Variants in CEP128 observed in about 807,000 individuals in gnomAD.
CEP128 encodes the protein centrosomal protein 128.
A neutral mutation model predicts 156.7 loss-of-function variants in CEP128; 132 were observed. The observed-to-expected ratio is 0.84, with a 90% CI of 0.73 to 0.97. CEP128 has a LOEUF of 0.97. CEP128 is among the 50% of genes least tolerant of loss of function. The pLI is 0.00. For synonymous variants in CEP128, 469 were observed against 448.9 expected (o/e 1.04, Z -0.57); for missense variants, 1,252 against 1,281.9 (o/e 0.98, Z 0.36).
chr14:80,779,489 T>G (rs572295014), intron 15 of CEP128, among the ~76,000 whole-genome samples: 20 of 152,352 alleles, frequency 1.3e-4, no homozygotes, highest in African/African-American at 4.8e-4. Context: ...AGTAGAATGC[T>G]TTTACTTTTC....
chr14:80,778,156 C>A, intron 15 of CEP128, 110 bp from the exon 16 acceptor site: 3 of 819,276 alleles, frequency 3.7e-6, no homozygotes, highest in South Asian at 3.1e-5. Context: ...TCAGCTCGTT[C>A]AAAGCATTCA....
At chr14:80,545,608 T>G (rs1409545681) in intron 21 of CEP128, among the ~76,000 whole-genome samples, 1 of 152,130 alleles carries the variant, frequency 6.6e-6, no homozygotes, top group Non-Finnish European at 1.5e-5. Flanking sequence ...AAAATGAAGC[T>G]CCCTTGATCC....
intron 13 of CEP128, among the ~76,000 whole-genome samples, chr14:80,828,647 T>C (rs1053969755): frequency 3.3e-5 from 5 of 152,124 alleles, no homozygotes; most frequent in African/African-American, 1.2e-4. Flanking sequence ...AGTGAACAAC[T>C]GGCACAAAGG....
intron 20 of CEP128, among the ~76,000 whole-genome samples, chr14:80,566,599 A>G (rs552029401): frequency 1.3e-5 from 2 of 152,328 alleles, no homozygotes; most frequent in Admixed American, 1.3e-4. Flanking sequence ...TGAATATACC[A>G]AATGCATCTG....
At chr14:80,793,399 C>T (rs1185767836) in intron 13 of CEP128, among the ~76,000 whole-genome samples, 3 of 152,104 alleles carry the variant, frequency 2.0e-5, no homozygotes, top group South Asian at 2.1e-4. Context: ...ACTTTTGAAG[C>T]GAACAATGTG....
intron 6 of CEP128, among the ~76,000 whole-genome samples, chr14:80,901,820 A>G (rs1275862989): frequency 6.6e-6 from 1 of 152,182 alleles, no homozygotes; most frequent in Non-Finnish European, 1.5e-5. Context: ...TCACATCCAG[A>G]ACACAGTAAC....
At chr14:80,792,700 T>C (rs907442332) in intron 14 of CEP128, 60 bp downstream of exon 14, 2 of 1,369,270 alleles carry the variant, frequency 1.5e-6, no homozygotes, top group Admixed American at 3.5e-5. Flanking sequence ...TTTCAAAGGA[T>C]AGATGAATGA....
intron 19 of CEP128, among the ~76,000 whole-genome samples, chr14:80,715,435 T>C (rs982024375): frequency 1.3e-5 from 2 of 152,196 alleles, no homozygotes; most frequent in African/African-American, 4.8e-5. Context: ...ATTGTTCTAT[T>C]AGGCCGTGGG....
chr14:80,941,419 T>TC (rs1886149959), intron 1 of CEP128, among the ~76,000 whole-genome samples, 162 bp downstream of exon 1: 2 of 151,674 alleles, frequency 1.3e-5, no homozygotes, highest in South Asian at 2.1e-4. Context: ...GCGCGCCGTC[T>TC]CCCCTCACCT....
At chr14:80,649,314 G>T (rs1477763404) in intron 19 of CEP128, among the ~76,000 whole-genome samples, 1 of 151,934 alleles carries the variant, frequency 6.6e-6, no homozygotes, top group Non-Finnish European at 1.5e-5. Context: ...TGTCTTCTGA[G>T]GTCGCTCACA....
chr14:80,931,834 T>A (rs575934582), intron 2 of CEP128, among the ~76,000 whole-genome samples: 1 of 152,388 alleles, frequency 6.6e-6, no homozygotes, highest in South Asian at 2.1e-4. Flanking sequence ...TGAAAGAGAC[T>A]GAGCCAGGGC....
At chr14:80,727,301 A>G (rs1443172601) in intron 19 of CEP128, among the ~76,000 whole-genome samples, 1 of 152,182 alleles carries the variant, frequency 6.6e-6, no homozygotes, top group Non-Finnish European at 1.5e-5. Context: ...TAAAGTAAAA[A>G]AATTTAATAA....
chr14:80,850,297 T>C (rs887066716), intron 9 of CEP128, among the ~76,000 whole-genome samples: 6 of 152,162 alleles, frequency 3.9e-5, no homozygotes, highest in African/African-American at 1.4e-4. Context: ...AAGTACACTT[T>C]CAGAAAGCCC....
At chr14:80,512,998 T>C (rs1312342225) in intron 23 of CEP128, among the ~76,000 whole-genome samples, 1 of 152,176 alleles carries the variant, frequency 6.6e-6, no homozygotes, top group Non-Finnish European at 1.5e-5. Context: ...AAGGTATGAG[T>C]ACTTTATACA....
chr14:80,857,058 T>C (rs1441847450), intron 9 of CEP128, among the ~76,000 whole-genome samples: 1 of 152,016 alleles, frequency 6.6e-6, no homozygotes, highest in Non-Finnish European at 1.5e-5. Context: ...ATGTTTTTCA[T>C]TTTAAGTAAT....
At chr14:80,493,078 TA>T (rs1000067985), downstream of CEP128, among the ~76,000 whole-genome samples, 2 of 152,180 alleles carry the variant, frequency 1.3e-5, no homozygotes, top group African/African-American at 4.8e-5. Context: ...ACTTTAATTT[TA>T]TTTAAGTAAT....
chr14:80,792,658 G>T, intron 14 of CEP128, 102 bp downstream of exon 14: 1 of 850,936 alleles, frequency 1.2e-6, no homozygotes, highest in South Asian at 1.6e-5. Context: ...AGGACATATT[G>T]ATTATATGTA....
At chr14:80,504,626 T>C (rs1229724975) in intron 24 of CEP128, among the ~76,000 whole-genome samples, 1 of 152,244 alleles carries the variant, frequency 6.6e-6, no homozygotes, top group East Asian at 1.9e-4. Flanking sequence ...CATTCATCCA[T>C]AGTTACTGGC....
chr14:80,845,372 GC>G (rs1208192204), intron 9 of CEP128, among the ~76,000 whole-genome samples: 25 of 152,180 alleles, frequency 1.6e-4, no homozygotes, highest in Admixed American at 3.3e-4. Context: ...TTAAATGTGA[GC>G]CCAACAAGTG....
Sources: allele counts gnomAD v4.1 joint callset (sites outside exome capture counted in the v4.1 genomes callset), GRCh38; gene constraint gnomAD v4.1.1; transcripts MANE v1.5; gene names NCBI Gene and HGNC (gene_info 2026-07-23, HGNC 2026-07-21).